EGF: variants seen among roughly 807,000 people sequenced by gnomAD.
EGF encodes pro-epidermal growth factor.
Under a neutral mutation model 143.8 loss-of-function variants are expected in EGF, and 95 were observed. The observed-to-expected ratio is 0.66, with a 90% CI of 0.56 to 0.78. The LOEUF (loss-of-function observed/expected upper bound fraction) is 0.78, where lower values mean the gene tolerates loss of function less well. Ranked by LOEUF, EGF falls within the 30% of genes least tolerant of loss-of-function variation. The probability of loss-of-function intolerance (pLI) is 0.00; values close to 1 mark genes in which losing one functional copy is unlikely to be tolerated. For synonymous variants in EGF, 510 were observed against 510.5 expected (o/e 1.00, Z 0.01); for missense variants, 1,320 against 1,470.9 (o/e 0.90, Z 1.68).
At chr4:109,965,129 T>C (rs1055154121) in intron 10 of EGF, among the ~76,000 whole-genome samples, 6 of 152,196 alleles carry the variant, frequency 3.9e-5, no homozygotes, top group Non-Finnish European at 8.8e-5. Context: ...ATTTGATCTC[T>C]AATTTCTTAG....
At chr4:110,007,625 T>G (rs1753477312) in intron 22 of EGF, among the ~76,000 whole-genome samples, 2 of 152,226 alleles carry the variant, frequency 1.3e-5, no homozygotes, top group South Asian at 4.1e-4. Context: ...CTATTAAAAT[T>G]CTAGGTCCCT....
At chr4:109,960,789 G>A in intron 6 of EGF, 78 bp from the exon 7 acceptor site, 2 of 1,560,498 alleles carry the variant, frequency 1.3e-6, no homozygotes, top group East Asian at 2.2e-5. Context: ...ACCCTGCGTT[G>A]TGATGACTTA....
chr4:109,922,584 G>C (rs1245725016), intron 1 of EGF, among the ~76,000 whole-genome samples: 1 of 151,698 alleles, frequency 6.6e-6, no homozygotes, highest in African/African-American at 2.4e-5. Flanking sequence ...ATTCTGGTTG[G>C]TTCTTTATAC....
chr4:109,988,382 A>G (rs1037113034), intron 17 of EGF, among the ~76,000 whole-genome samples: 1 of 152,134 alleles, frequency 6.6e-6, no homozygotes, highest in Admixed American at 6.5e-5. Flanking sequence ...GCCTAATCGG[A>G]TAGGTGGGAA....
At chr4:109,947,074 G>A (rs1050258711) in intron 5 of EGF, among the ~76,000 whole-genome samples, 5 of 151,814 alleles carry the variant, frequency 3.3e-5, no homozygotes, top group East Asian at 1.9e-4. Context: ...AGCCAAGATC[G>A]TTCCACTGCA....
At chr4:109,927,447 G>A (rs1271906450) in intron 1 of EGF, among the ~76,000 whole-genome samples, 1 of 152,174 alleles carries the variant, frequency 6.6e-6, no homozygotes, top group East Asian at 1.9e-4. Flanking sequence ...TGTCCAGGCC[G>A]GGCGCAGTGG....
chr4:109,924,612 C>A (rs1196742789), intron 1 of EGF, among the ~76,000 whole-genome samples: 2 of 152,126 alleles, frequency 1.3e-5, no homozygotes, highest in Non-Finnish European at 2.9e-5. Context: ...CTTACAGATC[C>A]TCTTATTTGG....
In EGF at chr4:109,959,320, C is replaced by G; in HGVS notation, c.949C>G (p.Leu317Val). 6.2e-7 allele frequency: 1 copy of G among 1,613,838 alleles called. No individual in the cohort carries two copies. The highest frequency in any genetic ancestry group is 8.5e-7 in the Non-Finnish European group (1 of 1,179,886). The change falls in exon 6 of 24, where the codon CTT becomes GTT. Residue 317 changes from leucine to valine, a missense_variant. Around this residue, in one of 5 missense-constraint regions of EGF, gnomAD observed 1,186 missense variants for 1,313.7 expected, o/e 0.90. Coordinates refer to ENST00000265171, the MANE Select transcript of EGF (RefSeq NM_001963.6). ...AGCATCTTCTCTTTTAGAGCAGAAA[C>G]TTTGCAAATTGAGGAAAGGAAACTG... Reference protein sequence around the residue: ...EDDTWEPEQKLCKLRKGNCSS... With the variant: ...EDDTWEPEQKVCKLRKGNCSS...
intron 1 of EGF, 196 bp from the exon 2 acceptor site, chr4:109,940,750 G>T: frequency 1.7e-6 from 1 of 590,224 alleles, no homozygotes. Context: ...TAATCAGTTT[G>T]TGGAGAAGAC....
chr4:109,943,220 G>A (rs1464924390), intron 2 of EGF, 34 bp from the exon 3 acceptor site: 28 of 1,417,336 alleles, frequency 2.0e-5, no homozygotes, highest in African/African-American at 4.3e-5. Context: ...AATGGGGGAA[G>A]TATTAATAAC....
chr4:109,914,434 A>T (rs760312907), intron 1 of EGF, among the ~76,000 whole-genome samples: 3 of 152,214 alleles, frequency 2.0e-5, no homozygotes, highest in Non-Finnish European at 4.4e-5. Context: ...TTGAATAAAG[A>T]GAGCAGAATG....
At chr4:109,968,581 C>T (rs1057113887) in intron 10 of EGF, among the ~76,000 whole-genome samples, 1 of 151,870 alleles carries the variant, frequency 6.6e-6, no homozygotes, top group Non-Finnish European at 1.5e-5. Flanking sequence ...ATCTATCTAT[C>T]TATCTCTCTA....
In EGF at chr4:109,994,734, C is replaced by T. The variant is rs1751526294; in HGVS notation, c.2859C>T (p.Asp953=). Residue 953 remains aspartate (D), a splice_region_variant and synonymous_variant, in exon 20 of 24, where the codon GAC becomes GAT. Coordinates refer to ENST00000265171, the MANE Select transcript of EGF (RefSeq NM_001963.6). ...RLSEPGLICP[D]STPPPHLRED... ...AAGTAATGTCTTGGGTTCTTTTAGA[C>T]TCTACTCCACCCCCTCACCTCAGGG... The T allele has an allele frequency of 6.2e-7, 1 of 1,614,004 alleles. No individual in the cohort carries two copies. Among genetic ancestry groups the T allele is most frequent in the Non-Finnish European group, 8.5e-7 (1 of 1,179,988 alleles).
Position 110,004,520 on chromosome 4 carries a change from A to G in EGF, c.3189A>G (p.Leu1063=), listed in dbSNP as rs41456944. ...TTTATCACAGGACTCAGAAGCTGCT[A>G]TCGAAAAACCCAAAGAATCCTTATG... ...GAHYYRTQKL[L]SKNPKNPYEE... The change falls in exon 22 of 24, where the codon CTA becomes CTG. Residue 1063 remains leucine, a synonymous_variant. Transcript: ENST00000265171. 2.1e-4 allele frequency: 337 copies of G among 1,614,120 alleles called. No homozygotes were observed. The African/African-American group carries it at 3.7e-3, about 18-fold the overall frequency.
intron 23 of EGF, 129 bp downstream of exon 23, chr4:110,008,359 G>A: frequency 8.8e-7 from 1 of 1,133,706 alleles, no homozygotes; most frequent in Non-Finnish European, 1.3e-6. Context: ...TAAGCTATGT[G>A]AATAGCTGGG....
intron 5 of EGF, among the ~76,000 whole-genome samples, chr4:109,956,047 G>A (rs1025779965): frequency 2.6e-5 from 4 of 152,170 alleles, no homozygotes; most frequent in Non-Finnish European, 2.9e-5. Context: ...TAGACAGTTT[G>A]ATTCTCTGTT....
chr4:109,928,142 T>A (rs1477425769), intron 1 of EGF, among the ~76,000 whole-genome samples: 1 of 152,192 alleles, frequency 6.6e-6, no homozygotes, highest in Non-Finnish European at 1.5e-5. Flanking sequence ...CTCACACAAG[T>A]ACACTCATTT....
intron 1 of EGF, among the ~76,000 whole-genome samples, chr4:109,938,719 T>C (rs1560655189): frequency 6.6e-6 from 1 of 152,238 alleles, no homozygotes; most frequent in African/African-American, 2.4e-5. Context: ...GTCTTTTCTG[T>C]TGATGTTGAT....
At chr4:110,011,180 A>G (rs1462961529) in intron 23 of EGF, 22 bp from the exon 24 acceptor site, 1 of 1,613,126 alleles carries the variant, frequency 6.2e-7, no homozygotes, top group Admixed American at 1.7e-5. Context: ...GAATATTGAA[A>G]TTTCTTTTGT....
Sources: gnomAD v4.1 joint callset for allele counts (sites outside exome capture counted in the v4.1 genomes callset) on GRCh38, gnomAD v4.1.1 for gene constraint, gnomAD v4.1.1 regional missense constraint, MANE v1.5 for transcripts, NCBI Gene and HGNC (gene_info 2026-07-23, HGNC 2026-07-21) for gene names.